ANO1: variants seen among roughly 807,000 people sequenced by gnomAD.
ANO1 encodes anoctamin 1.
In ANO1, 59 loss-of-function variants were observed where a neutral mutation model predicts 124.0. The ratio of observed to expected loss-of-function variants is 0.48; its 90% confidence interval spans 0.39 to 0.59. The LOEUF (loss-of-function observed/expected upper bound fraction) is 0.59, where lower values mean the gene tolerates loss of function less well. ANO1 is among the 20% of genes least tolerant of loss of function. The probability of loss-of-function intolerance (pLI) is 0.00; values close to 1 mark genes in which losing one functional copy is unlikely to be tolerated. For missense variants in ANO1, 1,059 were observed against 1,328.0 expected, an observed-to-expected ratio of 0.80 and a Z score of 3.15; for synonymous variants, 529 against 532.0, an observed-to-expected ratio of 0.99 and a Z score of 0.08.
intron 1 of ANO1, among the ~76,000 whole-genome samples, chr11:70,048,475 G>C (rs1198291881): frequency 6.6e-6 from 1 of 152,078 alleles, no homozygotes; most frequent in Non-Finnish European, 1.5e-5. Context: ...AGGCAATGGG[G>C]GGGTGGTGTG....
At chr11:70,069,139 G>A (rs1857805347) in intron 1 of ANO1, among the ~76,000 whole-genome samples, 1 of 152,220 alleles carries the variant, frequency 6.6e-6, no homozygotes, top group Non-Finnish European at 1.5e-5. Context: ...GGGGTTCTTT[G>A]CTTTTACCCT....
intron 1 of ANO1, among the ~76,000 whole-genome samples, chr11:70,001,950 C>T (rs782702493): frequency 1.4e-4 from 21 of 151,994 alleles, no homozygotes; most frequent in Non-Finnish European, 2.2e-4. Flanking sequence ...CAGGTGCCCA[C>T]CACCACACCA....
chr11:70,035,444 C>G (rs1555004272), intron 1 of ANO1, among the ~76,000 whole-genome samples: 1 of 151,984 alleles, frequency 6.6e-6, no homozygotes. Flanking sequence ...TTTCTTCTTT[C>G]TATACATATT....
chr11:69,975,966 C>A, the ANO1 span, among the ~76,000 whole-genome samples: 1 of 152,138 alleles, frequency 6.6e-6, no homozygotes, highest in Non-Finnish European at 1.5e-5. Context: ...GCCTTGCTGT[C>A]CTCTGCGCCC....
Position 70,087,996 on chromosome 11 carries a change from A to T in ANO1, c.353A>T (p.Asp118Val). Residue 118 changes from aspartate (D) to valine (V), a missense_variant, in exon 2 of 26, where the codon GAC becomes GTC. This residue lies in a region of ANO1 where 250 missense variants were observed against 233.1 expected (regional missense o/e 1.07). Coordinates refer to ENST00000355303, the MANE Select transcript of ANO1 (RefSeq NM_018043.7). ...LDAGSGEPPMDYHEDDKRFRR... is the reference protein window; with the variant it reads ...LDAGSGEPPMVYHEDDKRFRR... ...GCAGGCTCGGGGGAGCCCCCGATGGACTACCACGAGGATGACAAGCGCTTC... is the reference window on the plus strand; with the variant it reads ...GCAGGCTCGGGGGAGCCCCCGATGGTCTACCACGAGGATGACAAGCGCTTC... The T allele has an allele frequency of 6.4e-7, 1 of 1,562,088 alleles. No individual in the cohort carries two copies. Among genetic ancestry groups the T allele is most frequent in the Non-Finnish European group, 8.7e-7 (1 of 1,153,192 alleles).
intron 2 of ANO1, among the ~76,000 whole-genome samples, chr11:70,089,643 T>G (rs1040096239): frequency 6.6e-6 from 1 of 152,116 alleles, no homozygotes. Context: ...TTACAAGTTT[T>G]GATGATCAGG....
At chr11:70,165,260 C>T (rs1183629684) in intron 19 of ANO1, 7 of 577,810 alleles carry the variant, frequency 1.2e-5, no homozygotes, top group Non-Finnish European at 2.2e-5. Flanking sequence ...TCTGAAAACA[C>T]CCCAGCATGA....
intron 1 of ANO1, among the ~76,000 whole-genome samples, chr11:69,988,165 G>A (rs989481530): frequency 7.2e-5 from 11 of 152,232 alleles, no homozygotes; most frequent in African/African-American, 2.4e-4. Flanking sequence ...CCTGGAGGCC[G>A]TCAGTGGCTT....
intron 1 of ANO1, among the ~76,000 whole-genome samples, chr11:70,042,732 A>T (rs1280661129): frequency 6.6e-6 from 1 of 152,202 alleles, no homozygotes; most frequent in African/African-American, 2.4e-5. Flanking sequence ...TCACCAGCTG[A>T]GGTGAAAAGA....
At chr11:70,028,521 T>C (rs1856947999) in intron 1 of ANO1, among the ~76,000 whole-genome samples, 1 of 152,050 alleles carries the variant, frequency 6.6e-6, no homozygotes, top group African/African-American at 2.4e-5. Flanking sequence ...ATGACTCAAT[T>C]GATGGTCTCT....
At chr11:70,109,006 GC>G (rs1178388262) in intron 6 of ANO1, among the ~76,000 whole-genome samples, 3 of 152,170 alleles carry the variant, frequency 2.0e-5, no homozygotes, top group African/African-American at 7.2e-5. Flanking sequence ...TGGGTCCCTT[GC>G]CCACAGCTGC....
At chr11:70,169,783 A>C (rs1473072693) in intron 21 of ANO1, among the ~76,000 whole-genome samples, 3 of 152,088 alleles carry the variant, frequency 2.0e-5, no homozygotes, top group Non-Finnish European at 4.4e-5. Context: ...GCTCACACTC[A>C]GGGCACCCCG....
At chr11:70,129,357 T>C (rs1240943428) in intron 10 of ANO1, 1 of 152,238 alleles carries the variant, frequency 6.6e-6, no homozygotes, top group Admixed American at 6.5e-5. Flanking sequence ...ACACGGCTTC[T>C]CTTCACTATC....
chr11:70,176,348 T>G (rs2048696641), intron 22 of ANO1, among the ~76,000 whole-genome samples: 1 of 152,104 alleles, frequency 6.6e-6, no homozygotes, highest in South Asian at 2.1e-4. Context: ...GGTTTCACCA[T>G]GTTGGCCAGG....
chr11:70,077,404 G>T (rs571620603), upstream of ANO1, among the ~76,000 whole-genome samples: 8 of 152,210 alleles, frequency 5.3e-5, no homozygotes, highest in Admixed American at 5.2e-4. Flanking sequence ...GAGAGGCAGA[G>T]GGACACTTTA....
chr11:70,089,139 G>A (rs978942110), intron 2 of ANO1, among the ~76,000 whole-genome samples: 79 of 152,260 alleles, frequency 5.2e-4, no homozygotes, highest in African/African-American at 1.8e-3. Context: ...AATATTGGGT[G>A]AAGGGCCCCA....
chr11:70,019,862 G>A (rs1388691929), intron 1 of ANO1, among the ~76,000 whole-genome samples: 3 of 152,360 alleles, frequency 2.0e-5, no homozygotes, highest in Middle Eastern at 3.4e-3. Flanking sequence ...TCCCACGCAC[G>A]TCTTCACTGA....
In ANO1 at chr11:70,090,121, A is replaced by G. The variant is rs1318286079; in HGVS notation, c.441+2037A>G. Among the ~76,000 whole-genome samples the G allele has an allele frequency of 4.6e-5, 7 of 152,174 alleles. No individual in the cohort carries two copies. The East Asian group carries it at 1.4e-3, about 29-fold the overall frequency. ...ACTGCAAGCTCCGCCTCCCGAGTTC[A>G]CGCCTTCTCCTGCCTCAGCGGGACT... is the stretch of plus-strand genomic sequence containing the variant. On this transcript the variant is annotated intron_variant, in intron 2 of 25. Transcript: ENST00000355303.
chr11:70,042,090 T>C (rs1857192038), intron 1 of ANO1, among the ~76,000 whole-genome samples: 1 of 148,904 alleles, frequency 6.7e-6, no homozygotes, highest in South Asian at 2.2e-4. Context: ...AGCTCGATGG[T>C]CGTAAGAACA....
Sources: allele counts gnomAD v4.1 joint callset (sites outside exome capture counted in the v4.1 genomes callset), GRCh38; gene constraint gnomAD v4.1.1; regional missense constraint gnomAD v4.1.1; transcripts MANE v1.5; gene names NCBI Gene and HGNC (gene_info 2026-07-23, HGNC 2026-07-21).